Variants in RNF121 observed in about 807,000 individuals in gnomAD.
RNF121 encodes ring finger protein 121, also known as E3 ubiquitin ligase RNF121.
RNF121 carries 21 observed loss-of-function variants against 46.5 expected under a neutral mutation model. The ratio of observed to expected loss-of-function variants is 0.45; its 90% CI spans 0.32 to 0.65. The LOEUF is 0.65. Among genes scored for constraint, RNF121 ranks in the 30% least tolerant of loss-of-function variants. The probability of loss-of-function intolerance (pLI) is 0.04; values close to 1 mark genes in which losing one functional copy is unlikely to be tolerated. For synonymous variants in RNF121, 139 were observed against 144.7 expected (o/e 0.96, Z 0.28); for missense variants, 346 against 416.0 (o/e 0.83, Z 1.46).
chr11:71,955,237 G>C (rs1953965692), intron 1 of RNF121, among the ~76,000 whole-genome samples: 1 of 152,182 alleles, frequency 6.6e-6, no homozygotes, highest in African/African-American at 2.4e-5. Flanking sequence ...CTAGAGACAA[G>C]CTGTTAGACC....
intron 5 of RNF121, among the ~76,000 whole-genome samples, chr11:71,989,401 A>C (rs1590814638): frequency 6.6e-6 from 1 of 152,136 alleles, no homozygotes; most frequent in East Asian, 1.9e-4. Flanking sequence ...AGTTTTAAAG[A>C]TAATTCTTCT....
rs1954979331 is a variant in RNF121 at position 71,996,438 on chromosome 11, C to T, written c.*123C>T. The T allele has an allele frequency of 2.4e-6, 3 of 1,230,996 alleles. No individual in the cohort carries two copies. Among genetic ancestry groups the T allele is most frequent in the Non-Finnish European group, 3.4e-6 (3 of 894,184 alleles). The allele number at this position is 1,230,996 out of a possible 1,614,324, so 76.3% of individuals were successfully genotyped here. On this transcript the variant is annotated 3_prime_UTR_variant, in exon 9 of 9. Transcript: ENST00000361756. ...AAGGGGTGCTTGGGCCACTCAGGACCCCTCTGGCTGTGTCGGACTGGGGAG... is the reference window on the plus strand; with the variant it reads ...AAGGGGTGCTTGGGCCACTCAGGACTCCTCTGGCTGTGTCGGACTGGGGAG...
intron 1 of RNF121, among the ~76,000 whole-genome samples, chr11:71,932,561 A>G (rs1316198634): frequency 6.6e-6 from 1 of 152,254 alleles, no homozygotes; most frequent in Non-Finnish European, 1.5e-5. Context: ...GTGATTCAAA[A>G]GAGCATTTTG....
chr11:71,995,055 G>C (rs1246019361), intron 7 of RNF121, among the ~76,000 whole-genome samples: 3 of 152,224 alleles, frequency 2.0e-5, no homozygotes, highest in Non-Finnish European at 4.4e-5. Flanking sequence ...GGCTGGGTCT[G>C]AGAGGAACCT....
intron 3 of RNF121, among the ~76,000 whole-genome samples, chr11:71,973,715 C>T (rs964939562): frequency 2.7e-4 from 40 of 150,612 alleles, no homozygotes; most frequent in Admixed American, 9.9e-4. Flanking sequence ...TGAACCCGGG[C>T]AGTGGAGGTT....
intron 2 of RNF121, among the ~76,000 whole-genome samples, chr11:71,958,936 A>G (rs1954060066): frequency 6.6e-6 from 1 of 152,198 alleles, no homozygotes; most frequent in African/African-American, 2.4e-5. Context: ...GTCTGAGAAC[A>G]AGAAACTTAT....
chr11:71,990,420 G>T (rs1339630647), intron 5 of RNF121, among the ~76,000 whole-genome samples, 177 bp from the exon 6 acceptor site: 1 of 152,204 alleles, frequency 6.6e-6, no homozygotes, highest in Non-Finnish European at 1.5e-5. Flanking sequence ...CTCCTCAAGA[G>T]GTGTTCATGG....
chr11:71,980,023 T>C (rs1175777844), intron 3 of RNF121, among the ~76,000 whole-genome samples: 2 of 152,164 alleles, frequency 1.3e-5, no homozygotes, highest in African/African-American at 4.8e-5. Context: ...AATCTGCAGT[T>C]GTTTGTTGTG....
intron 3 of RNF121, among the ~76,000 whole-genome samples, chr11:71,974,326 T>C (rs1268064716): frequency 6.6e-6 from 1 of 152,246 alleles, no homozygotes; most frequent in Non-Finnish European, 1.5e-5. Flanking sequence ...ATACTTTAGA[T>C]TGCTTATAGT....
chr11:71,979,438 TCACA>T (rs142356308), intron 3 of RNF121, among the ~76,000 whole-genome samples: 1 of 152,206 alleles, frequency 6.6e-6, no homozygotes, highest in Non-Finnish European at 1.5e-5. Flanking sequence ...TCTTTTTTTC[TCACA>T]CACAGTCTTT....
chr11:71,948,332 G>A (rs570411625), intron 1 of RNF121, among the ~76,000 whole-genome samples: 1 of 151,862 alleles, frequency 6.6e-6, no homozygotes, highest in South Asian at 2.1e-4. Context: ...CCTTGTCAAC[G>A]TGGTGAAACC....
At chr11:71,975,613 T>C (rs1954511632) in intron 3 of RNF121, among the ~76,000 whole-genome samples, 1 of 152,244 alleles carries the variant, frequency 6.6e-6, no homozygotes, top group South Asian at 2.1e-4. Context: ...CTCAGTAGAC[T>C]TGTGTTCTTC....
chr11:71,977,641 C>G (rs959010318), intron 3 of RNF121, among the ~76,000 whole-genome samples: 3 of 152,238 alleles, frequency 2.0e-5, no homozygotes, highest in African/African-American at 7.2e-5. Flanking sequence ...TTTGCACATT[C>G]AGGGAGAGAA....
chr11:71,941,272 G>T (rs1167447798), intron 1 of RNF121, among the ~76,000 whole-genome samples: 7 of 152,224 alleles, frequency 4.6e-5, no homozygotes, highest in Non-Finnish European at 2.9e-5. Flanking sequence ...AGGGTAGAGA[G>T]AAGTGAGCAG....
At chr11:71,931,368 T>C (rs1244742512) in intron 1 of RNF121, among the ~76,000 whole-genome samples, 1 of 152,212 alleles carries the variant, frequency 6.6e-6, no homozygotes, top group Non-Finnish European at 1.5e-5. Flanking sequence ...TGGTTCTATC[T>C]TTTTTGTTGT....
At chr11:71,942,538 G>A (rs1464104559) in intron 1 of RNF121, among the ~76,000 whole-genome samples, 1 of 151,890 alleles carries the variant, frequency 6.6e-6, no homozygotes. Context: ...TGAGGCGGGC[G>A]GATTACTTGA....
chr11:71,949,843 A>T (rs1953822858), intron 1 of RNF121, among the ~76,000 whole-genome samples: 1 of 151,968 alleles, frequency 6.6e-6, no homozygotes, highest in Non-Finnish European at 1.5e-5. Flanking sequence ...GAAAAAAAAA[A>T]TACAAAACAT....
At chr11:71,949,707 A>G (rs1294116092) in intron 1 of RNF121, among the ~76,000 whole-genome samples, 3 of 151,308 alleles carry the variant, frequency 2.0e-5, no homozygotes, top group African/African-American at 7.3e-5. Flanking sequence ...CTCAAAACAC[A>G]TGCACACGGC....
chr11:71,972,904 C>T (rs1350078579), intron 3 of RNF121, among the ~76,000 whole-genome samples: 4 of 152,116 alleles, frequency 2.6e-5, no homozygotes, highest in African/African-American at 9.6e-5. Flanking sequence ...ATAGGCTGGG[C>T]GGCTGGGTGC....
Sources: gnomAD v4.1 joint callset for allele counts (sites outside exome capture counted in the v4.1 genomes callset) on GRCh38, gnomAD v4.1.1 for gene constraint, MANE v1.5 for transcripts, NCBI Gene and HGNC (gene_info 2026-07-23, HGNC 2026-07-21) for gene names.